The following DNAH9 variants were observed in gnomAD, a reference collection of about 807,000 sequenced individuals.
DNAH9 encodes dynein axonemal heavy chain 9.
Under a neutral mutation model 471.6 loss-of-function variants are expected in DNAH9, and 345 were observed. That is an observed-to-expected ratio of 0.73 (90% CI 0.67 to 0.80). The LOEUF (loss-of-function observed/expected upper bound fraction) is 0.80, where lower values mean the gene tolerates loss of function less well. Among genes scored for constraint, DNAH9 ranks in the 30% least tolerant of loss-of-function variants. DNAH9 has a pLI of 0.00. For missense variants in DNAH9, 5,407 were observed against 5,609.2 expected, an observed-to-expected ratio of 0.96 and a Z score of 1.15; for synonymous variants, 2,093 against 2,123.6, an observed-to-expected ratio of 0.99 and a Z score of 0.40.
intron 39 of DNAH9, 71 bp from the exon 40 acceptor site, chr17:11,783,575 C>A: frequency 8.7e-7 from 1 of 1,155,752 alleles, no homozygotes; most frequent in Non-Finnish European, 1.3e-6. Context: ...CACATCCTAC[C>A]GCACCTTGAC....
chr17:11,957,887 T>C (rs1179338600), intron 67 of DNAH9, among the ~76,000 whole-genome samples: 1 of 152,228 alleles, frequency 6.6e-6, no homozygotes, highest in Non-Finnish European at 1.5e-5. Context: ...GTCTGTATTA[T>C]TCCTTACAAC....
At chr17:11,762,796 T>TTTTTTTTTC (rs1555584732) in intron 35 of DNAH9, among the ~76,000 whole-genome samples, 2 of 144,590 alleles carry the variant, frequency 1.4e-5, no homozygotes, top group Non-Finnish European at 3.0e-5. Flanking sequence ...TTTTTTTTTT[T>TTTTTTTTTC]TGAGATGGAG....
At chr17:11,881,494 G>T in intron 55 of DNAH9, 81 bp downstream of exon 55, 1 of 1,423,990 alleles carries the variant, frequency 7.0e-7, no homozygotes, top group Non-Finnish European at 9.4e-7. Flanking sequence ...GAGGGGGGCT[G>T]TTTTTCCTGG....
chr17:11,751,367 CAGTA>C (rs1967144071), intron 32 of DNAH9, among the ~76,000 whole-genome samples: 1 of 151,860 alleles, frequency 6.6e-6, no homozygotes, highest in Admixed American at 6.6e-5. Context: ...AATAAAATAT[CAGTA>C]AGGAGAATCA....
In DNAH9 at chr17:11,866,018, G is replaced by T. The variant is rs1393048957; in HGVS notation, c.9934-3116G>T. The stretch of plus-strand genomic sequence containing the variant: ...GTCTGAAGCCTTCTTCTCTCAACTC[G>T]TCAAAGTCATTCTCCGTCCAGCTTT... On this transcript the variant is annotated intron_variant, in intron 50 of 68. Transcript: ENST00000262442. Among the ~76,000 whole-genome samples the T allele has an allele frequency of 6.6e-5, 10 of 152,186 alleles. No homozygotes were observed. In the East Asian group the frequency reaches 1.9e-3, roughly 29 times the overall value.
rs748821559 is a variant in DNAH9 at position 11,701,236 on chromosome 17, C to T, written c.5140C>T (p.His1714Tyr). 9.3e-6 allele frequency: 15 copies of T among 1,613,280 alleles called. No homozygotes were observed. Among genetic ancestry groups the T allele is most frequent in the African/African-American group, 1.3e-5 (1 of 74,888 alleles). Reference sequence around the variant, plus strand: ...GCCGAGGGAGCAGTGGCTTTTTGACCACCCAGCTCAGGTATTCTCCTAATG... The same window carrying T: ...GCCGAGGGAGCAGTGGCTTTTTGACTACCCAGCTCAGGTATTCTCCTAATG... ...EKPREQWLFD[H>Y]PAQVALTCTQ... is the part of the protein sequence containing the mutation. Residue 1714 changes from histidine to tyrosine, a missense_variant, in exon 24 of 69, where the codon CAC (histidine) becomes TAC (tyrosine). This residue lies in a region of DNAH9 where 4,636 missense variants were observed against 4,900.3 expected (regional missense o/e 0.95). Coordinates refer to ENST00000262442, the MANE Select transcript of DNAH9 (RefSeq NM_001372.4).
At chr17:11,604,453 A>G (rs1028248366) in intron 1 of DNAH9, among the ~76,000 whole-genome samples, 2 of 151,788 alleles carry the variant, frequency 1.3e-5, no homozygotes, top group South Asian at 2.1e-4. Flanking sequence ...TGTATCTGAC[A>G]CCTCCCAAAT....
At chr17:11,726,823 T>G (rs1226562881) in intron 27 of DNAH9, among the ~76,000 whole-genome samples, 1 of 151,878 alleles carries the variant, frequency 6.6e-6, no homozygotes, top group Non-Finnish European at 1.5e-5. Flanking sequence ...CCAAGGCGGG[T>G]TGATTGCAAA....
chr17:11,699,092 T>G (rs1027858210), intron 22 of DNAH9, among the ~76,000 whole-genome samples: 1 of 151,758 alleles, frequency 6.6e-6, no homozygotes, highest in Non-Finnish European at 1.5e-5. Flanking sequence ...CTACTAAAAA[T>G]ACAAAAATTA....
chr17:11,829,721 C>A (rs1970622933), intron 48 of DNAH9, among the ~76,000 whole-genome samples: 1 of 152,210 alleles, frequency 6.6e-6, no homozygotes, highest in Non-Finnish European at 1.5e-5. Context: ...GATCCTCCCG[C>A]CTGGGCCTTC....
intron 14 of DNAH9, among the ~76,000 whole-genome samples, chr17:11,656,687 T>C (rs538504917): frequency 1.3e-5 from 2 of 152,170 alleles, no homozygotes; most frequent in Non-Finnish European, 2.9e-5. Context: ...CTCAGGTAAC[T>C]ACCACAATAC....
chr17:11,717,904 C>T (rs1483124742), intron 26 of DNAH9, among the ~76,000 whole-genome samples: 3 of 152,150 alleles, frequency 2.0e-5, no homozygotes, highest in Non-Finnish European at 4.4e-5. Flanking sequence ...GACAGGGTTT[C>T]ACTGTGTCAC....
chr17:11,866,126 T>A (rs1189491023), intron 50 of DNAH9, among the ~76,000 whole-genome samples: 1 of 151,854 alleles, frequency 6.6e-6, no homozygotes, highest in East Asian at 1.9e-4. Context: ...TTCTGCTCTG[T>A]TTTTTCCCCA....
intron 61 of DNAH9, among the ~76,000 whole-genome samples, chr17:11,907,324 G>C (rs1973639579): frequency 6.6e-6 from 1 of 152,068 alleles, no homozygotes; most frequent in Non-Finnish European, 1.5e-5. Context: ...TACAAAATTA[G>C]CTGGGCATGG....
Position 11,632,645 on chromosome 17 carries a change from TG to T in DNAH9, c.1581del (p.Thr528LeufsTer20). On this transcript the variant is annotated frameshift_variant, in exon 8 of 69. Transcript: ENST00000262442. LOFTEE classifies it high-confidence loss of function. Reference protein sequence around the residue: ...NQKVEDLDRRLGTIFIQAFDD... With the variant: ...NQKVEDLDRRXGTIFIQAFDD... ...AAAGTAGAAGATCTTGACCGAAGATTGGGGACTATCTTTATTCAAGCTTTTG... is the reference window on the plus strand; with the variant it reads ...AAAGTAGAAGATCTTGACCGAAGATTGGGACTATCTTTATTCAAGCTTTTG... 6.2e-7 allele frequency: 1 copy of T among 1,612,460 alleles called. No homozygotes were observed. Among genetic ancestry groups the T allele is most frequent in the Non-Finnish European group, 8.5e-7 (1 of 1,178,532 alleles).
At position 11,843,863 on chromosome 17, in the gene DNAH9, G is replaced by GTGTGTATA. The variant is rs1253794533; in HGVS notation, c.9507+8966_9507+8967insGTGTATAT. Reference sequence around the variant, plus strand: ...TGTTTGTGTGTGTGTGTGTGTGTGTGTATATATATATATATATATATATAT... The same window carrying GTGTGTATA: ...TGTTTGTGTGTGTGTGTGTGTGTGTGTGTGTATATATATATATATATATATATATATAT... On this transcript the variant is annotated intron_variant, in intron 49 of 68. Transcript: ENST00000262442. Among the ~76,000 whole-genome samples, 300 of 46,460 alleles carry GTGTGTATA rather than the reference G, an allele frequency of 6.5e-3. 7 individuals are homozygous for GTGTGTATA. Among genetic ancestry groups the GTGTGTATA allele is most frequent in the African/African-American group, 0.022 (272 of 12,368 alleles). 30.5% of individuals were successfully genotyped at this position (46,460 alleles called of 152,430 possible). A position where few individuals can be genotyped will look rare whatever the true frequency, so the allele number is the denominator to read the frequency against.
chr17:11,762,821 C>A (rs752669314), intron 35 of DNAH9, among the ~76,000 whole-genome samples: 6 of 131,444 alleles, frequency 4.6e-5, no homozygotes, highest in Non-Finnish European at 9.4e-5. Flanking sequence ...ACTCTGTAAC[C>A]CAGGCTGGAA....
intron 1 of DNAH9, among the ~76,000 whole-genome samples, chr17:11,600,860 G>A (rs1197188727): frequency 6.6e-6 from 1 of 152,166 alleles, no homozygotes; most frequent in African/African-American, 2.4e-5. Flanking sequence ...ATTTCCAAGT[G>A]TAGAGTACAA....
In DNAH9 at chr17:11,931,997, C is replaced by T. The variant is rs370793454; in HGVS notation, c.12106-17C>T. 60 of 1,612,690 alleles carry T rather than the reference C, an allele frequency of 3.7e-5. No homozygotes were observed. Among genetic ancestry groups the T allele is most frequent in the African/African-American group, 2.9e-4 (22 of 74,844 alleles). On this transcript the variant is annotated splice_polypyrimidine_tract_variant and intron_variant, in intron 63 of 68. Coordinates refer to ENST00000262442, the MANE Select transcript of DNAH9 (RefSeq NM_001372.4). ...AGAAGTTGTGTGCGAACCTTAAAAG[C>T]GACACTCTCATTTCAGGACACTCTG...
Sources: gnomAD v4.1 joint callset for allele counts (sites outside exome capture counted in the v4.1 genomes callset) on GRCh38, gnomAD v4.1.1 for gene constraint, gnomAD v4.1.1 regional missense constraint, MANE v1.5 for transcripts, NCBI Gene and HGNC (gene_info 2026-07-23, HGNC 2026-07-21) for gene names.